Variants in BTRC observed in about 807,000 individuals in gnomAD.
BTRC encodes the protein F-box/WD repeat-containing protein 1A.
A neutral mutation model predicts 85.5 loss-of-function variants in BTRC; 42 were observed. That is an observed-to-expected ratio of 0.49 (90% CI 0.38 to 0.64). The LOEUF (loss-of-function observed/expected upper bound fraction) is 0.64, where lower values mean the gene tolerates loss of function less well. Among genes scored for constraint, BTRC ranks in the 30% least tolerant of loss-of-function variants. The pLI is 0.00. For synonymous variants in BTRC, 255 were observed against 263.3 expected (o/e 0.97, Z 0.30); for missense variants, 594 against 743.5 (o/e 0.80, Z 2.34).
chr10:101,393,702 G>A (rs916238991), intron 1 of BTRC, among the ~76,000 whole-genome samples: 2 of 151,338 alleles, frequency 1.3e-5, no homozygotes, highest in Non-Finnish European at 3.0e-5. Context: ...TAGTATGAGA[G>A]TAGTGGAAAA....
chr10:101,532,617 C>T (rs994949055), intron 8 of BTRC, among the ~76,000 whole-genome samples, 185 bp downstream of exon 8: 4 of 152,116 alleles, frequency 2.6e-5, no homozygotes, highest in South Asian at 2.1e-4. Flanking sequence ...ACTATACAAA[C>T]GGGTAGTCCT....
At chr10:101,469,938 T>C (rs1487760745) in intron 3 of BTRC, among the ~76,000 whole-genome samples, 2 of 152,216 alleles carry the variant, frequency 1.3e-5, no homozygotes, top group Admixed American at 6.5e-5. Flanking sequence ...TTCTCTTTCA[T>C]TGAGTTGAAT....
chr10:101,447,318 C>G (rs1450002342), intron 2 of BTRC, among the ~76,000 whole-genome samples: 1 of 152,172 alleles, frequency 6.6e-6, no homozygotes, highest in African/African-American at 2.4e-5. Flanking sequence ...TTGGGAACCA[C>G]TGGCATTTAG....
At chr10:101,378,500 G>A (rs973317365) in intron 1 of BTRC, among the ~76,000 whole-genome samples, 1 of 150,550 alleles carries the variant, frequency 6.6e-6, no homozygotes, top group African/African-American at 2.4e-5. Context: ...TCTCAGTTAG[G>A]AAATAGGCTC....
chr10:101,437,866 C>T (rs1944572593), intron 2 of BTRC, among the ~76,000 whole-genome samples: 1 of 152,266 alleles, frequency 6.6e-6, no homozygotes, highest in South Asian at 2.1e-4. Flanking sequence ...CCACAAACAC[C>T]TATTGTCCCT....
chr10:101,453,425 G>A (rs1425187825), intron 2 of BTRC: 1 of 152,202 alleles, frequency 6.6e-6, no homozygotes, highest in African/African-American at 2.4e-5. Flanking sequence ...AGTGAAGTAT[G>A]TGGCATTGGT....
chr10:101,486,984 TAATC>T (rs2134246805), intron 4 of BTRC, among the ~76,000 whole-genome samples: 1 of 152,336 alleles, frequency 6.6e-6, no homozygotes, highest in South Asian at 2.1e-4. Flanking sequence ...CTAGGATTAG[TAATC>T]AATCTTATTG....
At chr10:101,446,551 G>T (rs890246071) in intron 2 of BTRC, among the ~76,000 whole-genome samples, 1 of 152,056 alleles carries the variant, frequency 6.6e-6, no homozygotes, top group African/African-American at 2.4e-5. Flanking sequence ...ACAAATTCTT[G>T]CTTTTTTGGC....
intron 1 of BTRC, among the ~76,000 whole-genome samples, chr10:101,377,368 T>C (rs1942817666): frequency 6.6e-6 from 1 of 152,216 alleles, no homozygotes; most frequent in Non-Finnish European, 1.5e-5. Flanking sequence ...CACTTGTGTA[T>C]AGATTTTGTG....
intron 1 of BTRC, among the ~76,000 whole-genome samples, chr10:101,423,884 C>G (rs1944175728): frequency 6.6e-6 from 1 of 152,174 alleles, no homozygotes; most frequent in Non-Finnish European, 1.5e-5. Context: ...GAAGCCTATT[C>G]CTGGTGATGA....
intron 4 of BTRC, among the ~76,000 whole-genome samples, chr10:101,506,192 C>T (rs1328216652): frequency 2.0e-5 from 3 of 152,302 alleles, no homozygotes; most frequent in South Asian, 2.1e-4. Context: ...GGGTTACAGG[C>T]GTGAGCCACC....
In BTRC at chr10:101,458,847, C is replaced by T. The variant is rs183887628; in HGVS notation, c.157-3134C>T. On this transcript the variant is annotated intron_variant, in intron 2 of 14. Coordinates refer to ENST00000370187, the MANE Select transcript of BTRC (RefSeq NM_033637.4). Reference sequence around the variant, plus strand: ...TTAAGGTGGCATCTGCTGGATTTCTCCACTATGAGGTTACTCTTTTTTCAT... The same window carrying T: ...TTAAGGTGGCATCTGCTGGATTTCTTCACTATGAGGTTACTCTTTTTTCAT... Among the ~76,000 whole-genome samples, 321 of 152,308 alleles carry T rather than the reference C, an allele frequency of 2.1e-3. 3 individuals are homozygous for T. Among genetic ancestry groups the T allele is most frequent in the African/African-American group, 7.2e-3 (299 of 41,570 alleles).
intron 1 of BTRC, among the ~76,000 whole-genome samples, chr10:101,368,695 C>G (rs1942546768): frequency 6.6e-6 from 1 of 152,014 alleles, no homozygotes; most frequent in African/African-American, 2.4e-5. Flanking sequence ...GTCCCAGTTG[C>G]TGAACATTCT....
At chr10:101,507,157 T>C (rs572727036) in intron 4 of BTRC, among the ~76,000 whole-genome samples, 1 of 152,322 alleles carries the variant, frequency 6.6e-6, no homozygotes, top group East Asian at 1.9e-4. Context: ...GGGGCTTTTT[T>C]CCCATTTTTT....
intron 4 of BTRC, among the ~76,000 whole-genome samples, chr10:101,507,890 C>T (rs959757767): frequency 6.6e-6 from 1 of 152,114 alleles, no homozygotes; most frequent in Admixed American, 6.5e-5. Context: ...TAAGGTGGCA[C>T]TATCTACATC....
At chr10:101,451,608 G>C (rs542588963) in intron 2 of BTRC, among the ~76,000 whole-genome samples, 1 of 152,246 alleles carries the variant, frequency 6.6e-6, no homozygotes, top group Admixed American at 6.5e-5. Flanking sequence ...GGCTTGTGAG[G>C]TAATGACAAG....
rs1281337949 is a variant in BTRC, at chr10:101,486,444, A to G, written c.324+6987A>G. 3.5e-4 allele frequency among the ~76,000 whole-genome samples: 21 copies of G among 59,898 alleles called. No individual in the cohort carries two copies. The South Asian group carries it at 5.3e-3, about 15-fold the overall frequency. The allele number at this position is 59,898 out of a possible 152,430, so 39.3% of individuals were successfully genotyped here. ...GAAAAGCGTGGCACATTTCTCAGGG[A>G]AAAAAAAAAAAGTGGCCATTAAAAG... On this transcript the variant is annotated intron_variant, in intron 4 of 14. Coordinates refer to ENST00000370187, the MANE Select transcript of BTRC (RefSeq NM_033637.4).
intron 4 of BTRC, among the ~76,000 whole-genome samples, chr10:101,496,575 C>G (rs1946267020): frequency 6.6e-6 from 1 of 151,966 alleles, no homozygotes; most frequent in African/African-American, 2.4e-5. Flanking sequence ...TTTAAAATTG[C>G]AATTTAAAAA....
At chr10:101,409,599 C>T (rs559786980) in intron 1 of BTRC, among the ~76,000 whole-genome samples, 38 of 152,190 alleles carry the variant, frequency 2.5e-4, no homozygotes, top group African/African-American at 8.9e-4. Flanking sequence ...TCCCAGGCTA[C>T]CTGGACAGCA....
Sources: allele counts gnomAD v4.1 joint callset (sites outside exome capture counted in the v4.1 genomes callset), GRCh38; gene constraint gnomAD v4.1.1; transcripts MANE v1.5; gene names NCBI Gene and HGNC (gene_info 2026-07-23, HGNC 2026-07-21).